Variants in CABLES1 observed in about 807,000 individuals in gnomAD.
The protein encoded by CABLES1 is CDK5 and ABL1 enzyme substrate 1.
Under a neutral mutation model 57.8 loss-of-function variants are expected in CABLES1, and 36 were observed. The observed-to-expected ratio is 0.62, with a 90% CI of 0.48 to 0.82. The LOEUF (loss-of-function observed/expected upper bound fraction) is 0.82. Ranked by LOEUF, CABLES1 falls within the 40% of genes least tolerant of loss-of-function variation. The probability of loss-of-function intolerance (pLI) is 0.00; values close to 1 mark genes in which losing one functional copy is unlikely to be tolerated. For synonymous variants in CABLES1, 374 were observed against 363.0 expected (o/e 1.03, Z -0.35); for missense variants, 767 against 836.6 (o/e 0.92, Z 1.03).
At chr18:23,241,916 T>C (rs2047745510) in intron 7 of CABLES1, among the ~76,000 whole-genome samples, 1 of 152,150 alleles carries the variant, frequency 6.6e-6, no homozygotes. Context: ...TTTTAAACTT[T>C]GATCCATGCA....
chr18:23,170,921 C>T (rs972531545), intron 1 of CABLES1, among the ~76,000 whole-genome samples: 4 of 152,258 alleles, frequency 2.6e-5, no homozygotes, highest in Admixed American at 6.5e-5. Context: ...CTCAGCCTCC[C>T]GAGTAGCTGG....
chr18:23,221,025 C>T (rs1186757597), intron 4 of CABLES1, among the ~76,000 whole-genome samples: 8 of 152,162 alleles, frequency 5.3e-5, no homozygotes, highest in African/African-American at 1.9e-4. Context: ...CTCCCTGGCA[C>T]CTTTTCCCCG....
intron 3 of CABLES1, among the ~76,000 whole-genome samples, chr18:23,196,317 G>A (rs2047282115): frequency 6.6e-6 from 1 of 152,164 alleles, no homozygotes; most frequent in Non-Finnish European, 1.5e-5. Flanking sequence ...CAGGCTGTAG[G>A]CTGAGGCCAC....
At chr18:23,254,035 T>A in intron 9 of CABLES1, 99 bp downstream of exon 9, 6 of 974,562 alleles carry the variant, frequency 6.2e-6, no homozygotes, top group Non-Finnish European at 9.6e-6. Flanking sequence ...GGAAGGATTC[T>A]GATCCTTAGT....
intron 1 of CABLES1, among the ~76,000 whole-genome samples, chr18:23,168,214 G>A (rs1168225942): frequency 2.0e-5 from 3 of 152,210 alleles, no homozygotes; most frequent in Admixed American, 6.5e-5. Flanking sequence ...GCAGTCTAAA[G>A]TATTCACTGA....
chr18:23,189,062 AC>A (rs1299064878), intron 2 of CABLES1, 153 bp downstream of exon 2: 1 of 585,066 alleles, frequency 1.7e-6, no homozygotes, highest in Admixed American at 3.1e-5. Flanking sequence ...TGTCTAACCC[AC>A]CTCTGAAGAC....
chr18:23,140,100 C>T (rs2046848318), intron 1 of CABLES1, among the ~76,000 whole-genome samples: 2 of 152,210 alleles, frequency 1.3e-5, no homozygotes. Flanking sequence ...GCTGGGTTTG[C>T]TGTCAGGTGC....
At chr18:23,152,294 A>G (rs950287311) in intron 1 of CABLES1, among the ~76,000 whole-genome samples, 1 of 151,944 alleles carries the variant, frequency 6.6e-6, no homozygotes. Context: ...AGATGACCCT[A>G]TTTCTTCTCA....
intron 7 of CABLES1, among the ~76,000 whole-genome samples, chr18:23,238,370 T>C (rs927283242): frequency 2.0e-5 from 3 of 152,252 alleles, no homozygotes; most frequent in African/African-American, 7.2e-5. Flanking sequence ...TCAGTGGTCA[T>C]TTTCGTATGC....
chr18:23,163,893 A>G (rs2047022613), intron 1 of CABLES1, among the ~76,000 whole-genome samples: 1 of 152,202 alleles, frequency 6.6e-6, no homozygotes, highest in East Asian at 1.9e-4. Context: ...TAAGAGTTTA[A>G]AAAATATTAA....
chr18:23,200,384 C>T (rs575261132), intron 3 of CABLES1, among the ~76,000 whole-genome samples: 54 of 152,098 alleles, frequency 3.6e-4, no homozygotes, highest in African/African-American at 8.9e-4. Context: ...CTCAGCCTCC[C>T]GAGTAGCTGG....
chr18:23,193,597 C>T (rs751858870), intron 2 of CABLES1, among the ~76,000 whole-genome samples: 2 of 152,086 alleles, frequency 1.3e-5, no homozygotes, highest in Non-Finnish European at 2.9e-5. Context: ...GTAGCAAAAC[C>T]CAAAATCGAA....
intron 4 of CABLES1, among the ~76,000 whole-genome samples, chr18:23,215,619 T>C (rs868124524): frequency 1.3e-5 from 2 of 152,210 alleles, no homozygotes; most frequent in African/African-American, 2.4e-5. Context: ...CATTCATTTA[T>C]TGAGTGCTTG....
At chr18:23,153,491 T>C (rs530352745) in intron 1 of CABLES1, among the ~76,000 whole-genome samples, 4 of 152,176 alleles carry the variant, frequency 2.6e-5, no homozygotes, top group African/African-American at 7.2e-5. Flanking sequence ...CCCGGCACTT[T>C]GGGAGGCTGA....
Position 23,135,962 on chromosome 18 carries a change from C to T in CABLES1, c.200C>T (p.Ser67Phe). 1 of 1,138,732 alleles carries T rather than the reference C, an allele frequency of 8.8e-7. No individual in the cohort carries two copies. The highest frequency in any genetic ancestry group is 3.9e-5 in the South Asian group (1 of 25,428). 70.5% of individuals were successfully genotyped at this position (1,138,732 alleles called of 1,614,324 possible). Residue 67 changes from serine (S) to phenylalanine (F), a missense_variant, in exon 1 of 10, where the codon TCC becomes TTC. By Grantham distance (155) the Ser-to-Phe change is radical. Coordinates refer to ENST00000256925, the MANE Select transcript of CABLES1 (RefSeq NM_001100619.3). ...MDPRRRQAAL[S>F]FLTNISLDGR... ...CCGCGGCGCCGCCAGGCTGCCCTCT[C>T]CTTCCTCACCAACATCTCGCTGGAC...
At position 23,152,486 on chromosome 18, in the gene CABLES1, AT is replaced by A. The variant is rs67308509; in HGVS notation, c.845+15897del. Among the ~76,000 whole-genome samples the A allele has an allele frequency of 3.8e-3, 517 of 134,818 alleles. 1 individual carries two copies. Among genetic ancestry groups the A allele is most frequent in the African/African-American group, 0.012 (423 of 35,944 alleles). The allele number at this position is 134,818 out of a possible 152,430, so 88.4% of individuals were successfully genotyped here. A position where few individuals can be genotyped will look rare whatever the true frequency, so the allele number is the denominator to read the frequency against. ...CTCAAGTTTATAATCGTTTGGTCTAATTTTTTTTTTTTTTTTTTGAGACGGT... is the reference window on the plus strand; with the variant it reads ...CTCAAGTTTATAATCGTTTGGTCTAATTTTTTTTTTTTTTTTTGAGACGGT... On this transcript the variant is annotated intron_variant, in intron 1 of 9. Transcript: ENST00000256925.
chr18:23,182,900 G>A (rs546640659), intron 1 of CABLES1, among the ~76,000 whole-genome samples: 67 of 152,328 alleles, frequency 4.4e-4, no homozygotes, highest in South Asian at 2.1e-3. Flanking sequence ...GTCTCTCAGC[G>A]CTTTCTTCAG....
intron 1 of CABLES1, among the ~76,000 whole-genome samples, chr18:23,176,509 C>T (rs1361227481): frequency 1.3e-5 from 2 of 152,134 alleles, no homozygotes; most frequent in Non-Finnish European, 2.9e-5. Context: ...CTGCCTTATG[C>T]CATAAACCCT....
chr18:23,136,681 G>A, intron 1 of CABLES1, 74 bp downstream of exon 1: 1 of 1,016,802 alleles, frequency 9.8e-7, no homozygotes, highest in Non-Finnish European at 1.3e-6. Flanking sequence ...GCGGTCTCTG[G>A]GCTACGGGAC....
Sources: gnomAD v4.1 joint callset for allele counts (sites outside exome capture counted in the v4.1 genomes callset) on GRCh38, gnomAD v4.1.1 for gene constraint, MANE v1.5 for transcripts, NCBI Gene and HGNC (gene_info 2026-07-23, HGNC 2026-07-21) for gene names.